The following THAP4 variants were observed in gnomAD, a reference collection of about 807,000 sequenced individuals.
The protein encoded by THAP4 is peroxynitrite isomerase THAP4.
THAP4 carries 18 observed loss-of-function variants against 48.1 expected under a neutral mutation model. The ratio of observed to expected loss-of-function variants is 0.37; its 90% CI spans 0.26 to 0.56. The LOEUF (loss-of-function observed/expected upper bound fraction) is 0.56, where lower values mean the gene tolerates loss of function less well. THAP4 is among the 20% of genes least tolerant of loss of function. The pLI is 0.78. For missense variants in THAP4, 656 were observed against 774.9 expected (o/e 0.85, Z 1.82); for synonymous variants, 345 against 324.9 (o/e 1.06, Z -0.66).
intron 5 of THAP4, chr2:241,594,512 T>C: frequency 3.9e-6 from 1 of 256,286 alleles, no homozygotes; most frequent in South Asian, 4.5e-5. Context: ...ACTGCTTGAG[T>C]TCAGGAGTTC....
intron 2 of THAP4, among the ~76,000 whole-genome samples, chr2:241,622,918 A>G (rs992487621): frequency 1.4e-4 from 22 of 152,102 alleles, no homozygotes; most frequent in Admixed American, 1.4e-3. Flanking sequence ...TATGTTGACT[A>G]TAAGAAACCC....
Position 241,632,976 on chromosome 2 carries a change from A to T in THAP4, c.1181T>A (p.Leu394Gln), listed in dbSNP as rs1025145068. 6.2e-7 allele frequency: 1 copy of T among 1,613,516 alleles called. No homozygotes were observed. The highest frequency in any genetic ancestry group is 8.5e-7 in the Non-Finnish European group (1 of 1,179,858). Reference sequence around the variant, plus strand: ...GACGCTCACTCTCCTCAGCTCATCCAGCTTCTCCTGTAGCTTCCGCACCTG... The same window carrying T: ...GACGCTCACTCTCCTCAGCTCATCCTGCTTCTCCTGTAGCTTCCGCACCTG... The part of the protein sequence containing the change: ...DSQVRKLQEK[L>Q]DELRRVSVPY... The change falls in exon 2 of 6, where the codon CTG becomes CAG. Residue 394 changes from leucine (L) to glutamine (Q), a missense_variant. Physicochemically the swap from Leu to Gln is moderately radical, Grantham distance 113. Around this residue, in one of 4 missense-constraint regions of THAP4, gnomAD observed 176 missense variants for 256.7 expected, o/e 0.69. Coordinates refer to ENST00000407315, the MANE Select transcript of THAP4 (RefSeq NM_015963.6).
intron 2 of THAP4, among the ~76,000 whole-genome samples, chr2:241,625,499 AGG>A (rs1315857225): frequency 1.7e-4 from 24 of 142,426 alleles, no homozygotes; most frequent in African/African-American, 5.3e-4. Context: ...AAAAAAAAAA[AGG>A]AAAAAGGAAA....
intron 2 of THAP4, among the ~76,000 whole-genome samples, chr2:241,625,788 A>G (rs1239200673): frequency 8.5e-6 from 1 of 117,308 alleles, no homozygotes; most frequent in African/African-American, 3.4e-5. Flanking sequence ...ACAGAGCAAG[A>G]CTCCGTCTCA....
chr2:241,619,442 C>CT (rs762645911), intron 2 of THAP4, among the ~76,000 whole-genome samples: 1 of 152,244 alleles, frequency 6.6e-6, no homozygotes, highest in Non-Finnish European at 1.5e-5. Context: ...CGCACCTAGG[C>CT]TGTATGGCAC....
chr2:241,630,126 C>T (rs535391692), intron 2 of THAP4, among the ~76,000 whole-genome samples: 1 of 152,156 alleles, frequency 6.6e-6, no homozygotes, highest in Non-Finnish European at 1.5e-5. Flanking sequence ...ATTTGCTCCC[C>T]TCGCCCAATC....
chr2:241,616,213 T>C lies in THAP4; in HGVS notation c.1241-9740A>G, dbSNP rs1327369012. 6.6e-6 allele frequency among the ~76,000 whole-genome samples: 1 copy of C among 152,126 alleles called. No individual in the cohort carries two copies. The highest frequency in any genetic ancestry group is 2.4e-5 in the African/African-American group (1 of 41,432). On this transcript the variant is annotated intron_variant, in intron 2 of 5. Coordinates refer to ENST00000407315, the MANE Select transcript of THAP4 (RefSeq NM_015963.6). The surrounding 1 kb of genome is among the most constrained non-coding windows in gnomAD (Gnocchi z 4.6). ...AGGGACGTGGCCCGGGCTTTCTGCC[T>C]CGACGACTAGCCCAAGGGAGATGGA... is the stretch of plus-strand genomic sequence containing the variant.
chr2:241,609,171 G>A (rs1420504586), intron 2 of THAP4, among the ~76,000 whole-genome samples: 1 of 152,260 alleles, frequency 6.6e-6, no homozygotes, highest in Non-Finnish European at 1.5e-5. Flanking sequence ...CCGTGGTGGA[G>A]GCAGTGGAAA....
intron 2 of THAP4, among the ~76,000 whole-genome samples, chr2:241,627,832 T>C (rs912880297): frequency 6.6e-6 from 1 of 152,158 alleles, no homozygotes; most frequent in Non-Finnish European, 1.5e-5. Flanking sequence ...TGCCCAGCCG[T>C]GGCCTGGCCT....
chr2:241,611,904 G>C (rs556758727), intron 2 of THAP4, among the ~76,000 whole-genome samples: 63 of 152,076 alleles, frequency 4.1e-4, no homozygotes, highest in African/African-American at 1.5e-3. Context: ...ATGTTGATGG[G>C]GCAAAGGTGA....
chr2:241,630,118 T>G (rs754779187), intron 2 of THAP4, among the ~76,000 whole-genome samples: 1 of 152,132 alleles, frequency 6.6e-6, no homozygotes, highest in Non-Finnish European at 1.5e-5. Context: ...ACAAAAAAAT[T>G]TGCTCCCCTC....
intron 2 of THAP4, among the ~76,000 whole-genome samples, chr2:241,628,244 C>T (rs369767323): frequency 2.4e-4 from 36 of 151,896 alleles, no homozygotes; most frequent in African/African-American, 6.8e-4. Flanking sequence ...CCTCTCTCAG[C>T]GAGGCCTGCT....
At chr2:241,608,643 C>A (rs138106073) in intron 2 of THAP4, among the ~76,000 whole-genome samples, 1 of 152,232 alleles carries the variant, frequency 6.6e-6, no homozygotes, top group Non-Finnish European at 1.5e-5. Context: ...CATCATTCAA[C>A]GTGCTGGACA....
chr2:241,597,989 A>G (rs906083597), intron 5 of THAP4, among the ~76,000 whole-genome samples: 1 of 152,098 alleles, frequency 6.6e-6, no homozygotes, highest in Admixed American at 6.6e-5. Flanking sequence ...AAAAAAAAAA[A>G]AACAAAAAAC....
In THAP4 at chr2:241,584,604, G is replaced by T. The variant is rs1261554827; in HGVS notation, c.*2C>A. The T allele has an allele frequency of 6.2e-7, 1 of 1,611,216 alleles. No homozygotes were observed. On this transcript the variant is annotated 3_prime_UTR_variant, in exon 6 of 6. Coordinates refer to ENST00000407315, the MANE Select transcript of THAP4 (RefSeq NM_015963.6). ...CTCCCGAGGGCTCCAGAAGCTCTAGGTTTACGGGGTCACCTTCTTGTAGGT... is the reference window on the plus strand; with the variant it reads ...CTCCCGAGGGCTCCAGAAGCTCTAGTTTTACGGGGTCACCTTCTTGTAGGT...
rs1257949667 is a variant in THAP4 at position 241,632,997 on chromosome 2, A to G, written c.1160T>C (p.Val387Ala). The G allele has an allele frequency of 6.2e-7, 1 of 1,613,770 alleles. No homozygotes were observed. Among genetic ancestry groups the G allele is most frequent in the Non-Finnish European group, 8.5e-7 (1 of 1,179,944 alleles). ...RQRVSRSDSQ[V>A]RKLQEKLDEL... ...ATCCAGCTTCTCCTGTAGCTTCCGC[A>G]CCTGGCTGTCGGAGCGGCTGACCCT... The change falls in exon 2 of 6, where the codon GTG becomes GCG. Residue 387 changes from valine to alanine, a missense_variant. Physicochemically the swap from Val to Ala is moderately conservative, Grantham distance 64. Around this residue, in one of 4 missense-constraint regions of THAP4, gnomAD observed 391 missense variants for 412.4 expected, o/e 0.95. Coordinates refer to ENST00000407315, the MANE Select transcript of THAP4 (RefSeq NM_015963.6).
Position 241,633,457 on chromosome 2 carries a change from A to T in THAP4, c.700T>A (p.Ser234Thr). ...PGSGACKFIG[S>T]LHSYSFSSKH... is the part of the protein sequence containing the mutation. Reference sequence around the variant, plus strand: ...GAGGAGAAACTGTACGAATGAAGTGAGCCGATAAATTTGCACGCCCCAGAT... The same window carrying T: ...GAGGAGAAACTGTACGAATGAAGTGTGCCGATAAATTTGCACGCCCCAGAT... The change falls in exon 2 of 6, where the codon TCA becomes ACA. Residue 234 changes from serine to threonine, a missense_variant. Ser to Thr is a moderately conservative substitution (Grantham distance 58). This residue lies in a region of THAP4 where 391 missense variants were observed against 412.4 expected (regional missense o/e 0.95). Coordinates refer to ENST00000407315, the MANE Select transcript of THAP4 (RefSeq NM_015963.6). The surrounding 1 kb of genome is among the most constrained non-coding windows in gnomAD (Gnocchi z 7.5). 1 of 1,613,920 alleles carries T rather than the reference A, an allele frequency of 6.2e-7. No individual in the cohort carries two copies. The highest frequency in any genetic ancestry group is 8.5e-7 in the Non-Finnish European group (1 of 1,179,992).
intron 5 of THAP4, 88 bp from the exon 6 acceptor site, chr2:241,584,813 C>T: frequency 1.3e-6 from 2 of 1,534,956 alleles, no homozygotes; most frequent in East Asian, 2.3e-5. Context: ...GCCACACACT[C>T]ATCACGGGCT....
At chr2:241,614,913 AAAAAC>A (rs1559228300) in intron 2 of THAP4, among the ~76,000 whole-genome samples, 1 of 151,754 alleles carries the variant, frequency 6.6e-6, no homozygotes, top group Non-Finnish European at 1.5e-5. Flanking sequence ...AAACAAAAAC[AAAAAC>A]AAAACTAAGG....
Sources: allele counts gnomAD v4.1 joint callset (sites outside exome capture counted in the v4.1 genomes callset), GRCh38; gene constraint gnomAD v4.1.1; regional missense constraint gnomAD v4.1.1; non-coding constraint Gnocchi (gnomAD v3.1); transcripts MANE v1.5; gene names NCBI Gene and HGNC (gene_info 2026-07-23, HGNC 2026-07-21).